Variants in ZBTB2 observed in about 807,000 individuals in gnomAD.
The protein encoded by ZBTB2 is zinc finger and BTB domain-containing protein 2.
Under a neutral mutation model 39.5 loss-of-function variants are expected in ZBTB2, and 2 were observed. The ratio of observed to expected loss-of-function variants is 0.05; its 90% CI spans 0.02 to 0.16. The LOEUF (loss-of-function observed/expected upper bound fraction) is 0.16. ZBTB2 is among the 10% of genes least tolerant of loss of function. ZBTB2 has a pLI of 1.00. For synonymous variants in ZBTB2, 251 were observed against 256.6 expected, an observed-to-expected ratio of 0.98 and a Z score of 0.21; for missense variants, 391 against 653.0, an observed-to-expected ratio of 0.60 and a Z score of 4.37.
intron 1 of ZBTB2, among the ~76,000 whole-genome samples, chr6:151,390,786 C>A (rs373502164): frequency 2.7e-5 from 4 of 150,506 alleles, no homozygotes; most frequent in African/African-American, 9.8e-5. Context: ...CTCCCCTCCC[C>A]CAAACCCACT....
rs1582927987 is a variant in ZBTB2 at position 151,390,767 on chromosome 6, C to G, written c.-13+653G>C. 4.6e-5 allele frequency among the ~76,000 whole-genome samples: 7 copies of G among 150,618 alleles called. No homozygotes were observed. In the South Asian group the frequency reaches 1.3e-3, roughly 27 times the overall value. On this transcript the variant is annotated intron_variant, in intron 1 of 2. Transcript: ENST00000325144. ...CGGACCGGATCCCTCCCCTCCCCCT[C>G]CCTCCTCCCTCCCCTCCCCCAAACC...
chr6:151,386,479 A>G (rs1052658371), intron 1 of ZBTB2, among the ~76,000 whole-genome samples: 7 of 152,340 alleles, frequency 4.6e-5, no homozygotes, highest in South Asian at 2.1e-4. Context: ...GGCTGCTGTG[A>G]GCCATGGTCA....
intron 2 of ZBTB2, among the ~76,000 whole-genome samples, chr6:151,370,426 T>C (rs770876199): frequency 2.6e-4 from 39 of 152,226 alleles, no homozygotes; most frequent in Non-Finnish European, 4.4e-4. Context: ...TAAACTTCCA[T>C]AGTAATTTCC....
chr6:151,375,912 T>C (rs1054512999), intron 1 of ZBTB2, among the ~76,000 whole-genome samples: 1 of 152,132 alleles, frequency 6.6e-6, no homozygotes, highest in African/African-American at 2.4e-5. Flanking sequence ...GAGAAACCAG[T>C]CTACCCAATT....
In ZBTB2 at chr6:151,366,576, A is replaced by T. The variant is rs139153407; in HGVS notation, c.490T>A (p.Ser164Thr). 5.0e-5 allele frequency: 81 copies of T among 1,613,808 alleles called. No homozygotes were observed. The African/African-American group carries it at 8.8e-4, about 18-fold the overall frequency. Residue 164 changes from serine to threonine, a missense_variant, in exon 3 of 3, where the codon TCC becomes ACC. Around this residue, in one of 7 missense-constraint regions of ZBTB2, gnomAD observed 175 missense variants for 198.6 expected, o/e 0.88. Transcript: ENST00000325144. This position sits in a 1 kb window ranked among gnomAD's most constrained non-coding sequence, Gnocchi z 7.1. ...GGGACCTGCTCCTGGCTTATCCTGG[A>T]GGTCTGTGGCCGTGGATCTCGCCCG... is the stretch of plus-strand genomic sequence containing the variant. The part of the protein sequence containing the change: ...KLGRDPRPQT[S>T]RISQEQVPEA...
chr6:151,373,865 A>AAAAAAC (rs1562766554), intron 1 of ZBTB2, among the ~76,000 whole-genome samples: 12 of 112,150 alleles, frequency 1.1e-4, no homozygotes, highest in South Asian at 2.9e-4. Context: ...AAAAAAAAAA[A>AAAAAAC]AAAAAAAAAA....
intron 1 of ZBTB2, among the ~76,000 whole-genome samples, chr6:151,389,826 T>C (rs1434595472): frequency 6.6e-6 from 1 of 152,134 alleles, no homozygotes; most frequent in Non-Finnish European, 1.5e-5. Flanking sequence ...GGCACTCGCC[T>C]GCTCTGCTAC....
intron 1 of ZBTB2, among the ~76,000 whole-genome samples, chr6:151,387,142 T>C (rs919448950): frequency 2.6e-5 from 4 of 152,202 alleles, no homozygotes; most frequent in Non-Finnish European, 5.9e-5. Flanking sequence ...CTCTTTTATA[T>C]TATACCAACA....
At chr6:151,370,865 T>G (rs1055447509) in intron 2 of ZBTB2, among the ~76,000 whole-genome samples, 1 of 152,236 alleles carries the variant, frequency 6.6e-6, no homozygotes, top group Non-Finnish European at 1.5e-5. Context: ...ACTAGGCATG[T>G]GTCACCTCTG....
chr6:151,383,764 C>G (rs978552051), intron 1 of ZBTB2, among the ~76,000 whole-genome samples: 3 of 152,032 alleles, frequency 2.0e-5, no homozygotes, highest in African/African-American at 7.2e-5. Flanking sequence ...GACAGACAGG[C>G]AGACACACAC....
Position 151,366,406 on chromosome 6 carries a change from G to A in ZBTB2, c.660C>T (p.Thr220=), listed in dbSNP as rs746996945. The A allele has an allele frequency of 6.8e-6, 11 of 1,614,062 alleles. No individual in the cohort carries two copies. In the Admixed American group the frequency reaches 1.8e-4, roughly 27 times the overall value. Residue 220 remains threonine, a synonymous_variant, in exon 3 of 3, where the codon ACC becomes ACT. Coordinates refer to ENST00000325144, the MANE Select transcript of ZBTB2 (RefSeq NM_020861.3). The surrounding 1 kb of genome is among the most constrained non-coding windows in gnomAD (Gnocchi z 7.1). The stretch of plus-strand genomic sequence containing the variant: ...CATCGGAGGAAGATGCTTCCAGATT[G>A]GTCTCCTCCCCGGGAGGAGGGGGAG... The part of the protein sequence containing the change: ...PVPPPPPGEE[T]NLEASSSDEQ...
At chr6:151,373,151 T>G in intron 2 of ZBTB2, among the ~76,000 whole-genome samples, 1 of 63,334 alleles carries the variant, frequency 1.6e-5, no homozygotes, top group South Asian at 6.8e-4. Context: ...AGAGACTCCG[T>G]CTCAAAAAAA....
At chr6:151,380,823 T>C (rs1416941483) in intron 1 of ZBTB2, among the ~76,000 whole-genome samples, 1 of 152,220 alleles carries the variant, frequency 6.6e-6, no homozygotes, top group Non-Finnish European at 1.5e-5. Context: ...TGTAGCCTCT[T>C]TGGTGATCTC....
At chr6:151,388,058 T>C (rs1003815420) in intron 1 of ZBTB2, among the ~76,000 whole-genome samples, 1 of 141,168 alleles carries the variant, frequency 7.1e-6, no homozygotes, top group African/African-American at 2.9e-5. Context: ...ATGCTTAGAA[T>C]GTTTACATTT....
At chr6:151,379,303 G>A (rs1426015025) in intron 1 of ZBTB2, among the ~76,000 whole-genome samples, 1 of 151,666 alleles carries the variant, frequency 6.6e-6, no homozygotes, top group Non-Finnish European at 1.5e-5. Context: ...ATCTTTTCAT[G>A]AGCTCTGCCC....
At chr6:151,377,730 A>AC (rs768321726) in intron 1 of ZBTB2, among the ~76,000 whole-genome samples, 6 of 151,644 alleles carry the variant, frequency 4.0e-5, no homozygotes, top group Non-Finnish European at 7.4e-5. Context: ...ATGGGGTTTC[A>AC]CCATGTTGTT....
chr6:151,371,633 C>A (rs1013090385), intron 2 of ZBTB2, among the ~76,000 whole-genome samples: 1 of 152,104 alleles, frequency 6.6e-6, no homozygotes, highest in African/African-American at 2.4e-5. Flanking sequence ...GGGCTCCAAG[C>A]CTGTGGGGCC....
At chr6:151,378,840 GCTA>G (rs1189726435) in intron 1 of ZBTB2, among the ~76,000 whole-genome samples, 5 of 152,200 alleles carry the variant, frequency 3.3e-5, no homozygotes, top group Non-Finnish European at 7.3e-5. Flanking sequence ...CTTATGGAGT[GCTA>G]CTATTGGCCA....
chr6:151,383,718 A>G (rs1779091262), intron 1 of ZBTB2, among the ~76,000 whole-genome samples: 1 of 152,112 alleles, frequency 6.6e-6, no homozygotes, highest in Non-Finnish European at 1.5e-5. Flanking sequence ...GATTTTGAAT[A>G]TGCTGCTTTC....
Sources: allele counts gnomAD v4.1 joint callset (sites outside exome capture counted in the v4.1 genomes callset), GRCh38; gene constraint gnomAD v4.1.1; regional missense constraint gnomAD v4.1.1; non-coding constraint Gnocchi (gnomAD v3.1); transcripts MANE v1.5; gene names NCBI Gene and HGNC (gene_info 2026-07-23, HGNC 2026-07-21).